ADAMTSL1: variants seen among roughly 807,000 people sequenced by gnomAD.
The protein encoded by ADAMTSL1 is ADAMTS-like protein 1.
A neutral mutation model predicts 201.8 loss-of-function variants in ADAMTSL1; 126 were observed. The observed-to-expected ratio is 0.62, with a 90% confidence interval of 0.54 to 0.72. The LOEUF is 0.72. ADAMTSL1 is among the 30% of genes least tolerant of loss of function. The pLI is 0.00. For synonymous variants in ADAMTSL1, 1,121 were observed against 903.4 expected, an observed-to-expected ratio of 1.24 and a Z score of -4.32; for missense variants, 2,679 against 2,277.8, an observed-to-expected ratio of 1.18 and a Z score of -3.59.
At chr9:18,688,251 A>G (rs942806753) in intron 13 of ADAMTSL1, among the ~76,000 whole-genome samples, 6 of 151,544 alleles carry the variant, frequency 4.0e-5, no homozygotes, top group African/African-American at 1.5e-4. Context: ...AGCCTCCCGC[A>G]TAGCTGGGAT....
intron 13 of ADAMTSL1, among the ~76,000 whole-genome samples, chr9:18,695,092 G>A (rs777176233): frequency 2.6e-5 from 4 of 152,344 alleles, no homozygotes; most frequent in East Asian, 1.9e-4. Context: ...GACACAAGGA[G>A]CATTGTCCCA....
intron 2 of ADAMTSL1, among the ~76,000 whole-genome samples, chr9:18,405,969 A>T (rs528912705): frequency 6.6e-6 from 1 of 152,338 alleles, no homozygotes; most frequent in Non-Finnish European, 1.5e-5. Flanking sequence ...ATAATTTATC[A>T]TAAATATCTT....
intron 1 of ADAMTSL1, among the ~76,000 whole-genome samples, chr9:17,943,008 A>C (rs972725720): frequency 6.6e-6 from 1 of 152,042 alleles, no homozygotes; most frequent in Non-Finnish European, 1.5e-5. Context: ...TGCAGCCTCA[A>C]TCTCCTGGTC....
At chr9:18,300,636 T>A (rs1587502686) in intron 2 of ADAMTSL1, among the ~76,000 whole-genome samples, 1 of 152,054 alleles carries the variant, frequency 6.6e-6, no homozygotes, top group East Asian at 1.9e-4. Context: ...CCAAGTGAAA[T>A]GATTTCTAAA....
chr9:18,770,337 G>C (rs911284605), intron 16 of ADAMTSL1, among the ~76,000 whole-genome samples: 1 of 152,138 alleles, frequency 6.6e-6, no homozygotes, highest in Admixed American at 6.5e-5. Flanking sequence ...CATAGTTCAG[G>C]AGCAACTTTC....
intron 2 of ADAMTSL1, among the ~76,000 whole-genome samples, chr9:18,434,019 A>T (rs899918695): frequency 6.6e-6 from 1 of 152,216 alleles, no homozygotes. Context: ...ATAACAAATC[A>T]TCTAGCCAGG....
intron 23 of ADAMTSL1, among the ~76,000 whole-genome samples, chr9:18,873,778 G>C (rs1399735145): frequency 1.3e-5 from 2 of 151,956 alleles, no homozygotes; most frequent in Non-Finnish European, 2.9e-5. Context: ...TGTCTATGTG[G>C]GCTCTTTTTT....
At chr9:17,944,538 G>A (rs2131356133) in intron 1 of ADAMTSL1, among the ~76,000 whole-genome samples, 1 of 151,144 alleles carries the variant, frequency 6.6e-6, no homozygotes, top group Non-Finnish European at 1.5e-5. Flanking sequence ...CAAAGCTGGA[G>A]GCATCACACT....
chr9:18,847,217 T>A (rs1419717781), intron 23 of ADAMTSL1, among the ~76,000 whole-genome samples: 2 of 151,074 alleles, frequency 1.3e-5, no homozygotes, highest in Non-Finnish European at 3.0e-5. Flanking sequence ...GGAACAGGAG[T>A]GGGGACTGCT....
At chr9:18,704,539 A>G (rs969490224) in intron 13 of ADAMTSL1, among the ~76,000 whole-genome samples, 4 of 152,236 alleles carry the variant, frequency 2.6e-5, no homozygotes, top group Non-Finnish European at 5.9e-5. Context: ...GTCTTCTTAC[A>G]TACAAAATAG....
intron 1 of ADAMTSL1, among the ~76,000 whole-genome samples, chr9:18,094,830 T>A (rs1824175526): frequency 6.6e-6 from 1 of 151,440 alleles, no homozygotes; most frequent in Admixed American, 6.6e-5. Flanking sequence ...CCTCCCAAAG[T>A]ACCTGGATTA....
intron 2 of ADAMTSL1, among the ~76,000 whole-genome samples, chr9:18,374,363 C>G (rs987761714): frequency 2.0e-5 from 3 of 150,522 alleles, no homozygotes; most frequent in Admixed American, 2.0e-4. Context: ...GGGATGGGGT[C>G]TCACTCTGTC....
At chr9:18,008,134 A>G (rs1457148932) in intron 1 of ADAMTSL1, among the ~76,000 whole-genome samples, 1 of 152,012 alleles carries the variant, frequency 6.6e-6, no homozygotes, top group African/African-American at 2.4e-5. Flanking sequence ...AAATAATCTT[A>G]GATGTTTCCA....
chr9:18,359,427 C>A (rs1449697121), intron 2 of ADAMTSL1, among the ~76,000 whole-genome samples: 1 of 152,166 alleles, frequency 6.6e-6, no homozygotes, highest in East Asian at 1.9e-4. Flanking sequence ...CAATGTGATT[C>A]TTTTCCCAGA....
At chr9:17,919,772 G>C (rs1002824824) in intron 1 of ADAMTSL1, among the ~76,000 whole-genome samples, 8 of 152,026 alleles carry the variant, frequency 5.3e-5, no homozygotes, top group African/African-American at 1.9e-4. Context: ...GAGTAATGCT[G>C]CTATAAACAT....
intron 2 of ADAMTSL1, among the ~76,000 whole-genome samples, chr9:18,298,389 T>C (rs974586209): frequency 1.3e-5 from 2 of 152,106 alleles, no homozygotes; most frequent in African/African-American, 4.8e-5. Flanking sequence ...AGTGTTCTTA[T>C]CCAAAATGAA....
chr9:18,510,576 A>G (rs1334504202), intron 2 of ADAMTSL1, among the ~76,000 whole-genome samples: 1 of 152,110 alleles, frequency 6.6e-6, no homozygotes, highest in Non-Finnish European at 1.5e-5. Context: ...TGATATTGGA[A>G]CACTGATCAT....
At chr9:18,705,155 G>A (rs568722053) in intron 13 of ADAMTSL1, among the ~76,000 whole-genome samples, 1 of 152,312 alleles carries the variant, frequency 6.6e-6, no homozygotes, top group South Asian at 2.1e-4. Context: ...CCCTGAACCA[G>A]ATCTGAACCA....
At chr9:18,819,798 C>A in intron 21 of ADAMTSL1, among the ~76,000 whole-genome samples, 1 of 152,206 alleles carries the variant, frequency 6.6e-6, no homozygotes, top group Non-Finnish European at 1.5e-5. Context: ...TCTTGTTAAA[C>A]AAGATACTCA....
Sources: gnomAD v4.1 joint callset for allele counts (sites outside exome capture counted in the v4.1 genomes callset) on GRCh38, gnomAD v4.1.1 for gene constraint, MANE v1.5 for transcripts, NCBI Gene and HGNC (gene_info 2026-07-23, HGNC 2026-07-21) for gene names.